PDE3A: variants seen among roughly 807,000 people sequenced by gnomAD.
PDE3A encodes the protein phosphodiesterase 3A.
In PDE3A, 43 loss-of-function variants were observed where a neutral mutation model predicts 98.3. That is an observed-to-expected ratio of 0.44 (90% CI 0.34 to 0.56). PDE3A has a LOEUF of 0.56. PDE3A is among the 20% of genes least tolerant of loss of function. The pLI, the probability that PDE3A is intolerant of heterozygous loss-of-function variation, is 0.01. For missense variants in PDE3A, 1,427 were observed against 1,440.7 expected (o/e 0.99, Z 0.15); for synonymous variants, 663 against 567.9 (o/e 1.17, Z -2.38).
At chr12:20,572,564 T>A (rs952718829) in intron 2 of PDE3A, among the ~76,000 whole-genome samples, 1 of 152,134 alleles carries the variant, frequency 6.6e-6, no homozygotes, top group Non-Finnish European at 1.5e-5. Context: ...TATCTAAAGA[T>A]TGACAATGTC....
At chr12:20,610,425 G>A (rs1943820930) in intron 2 of PDE3A, among the ~76,000 whole-genome samples, 1 of 151,822 alleles carries the variant, frequency 6.6e-6, no homozygotes, top group African/African-American at 2.4e-5. Context: ...TAGAGAAAAG[G>A]GAACCCTAGA....
rs138187101 is a variant in PDE3A, at chr12:20,369,180, A to ACCGT, written c.-105_-104insCCGT. 3 of 626,860 alleles carry ACCGT rather than the reference A, an allele frequency of 4.8e-6. No homozygotes were observed. The highest frequency in any genetic ancestry group is 7.7e-6 in the Non-Finnish European group (3 of 388,728). 38.8% of individuals were successfully genotyped at this position (626,860 alleles called of 1,614,324 possible). A position where few individuals can be genotyped will look rare whatever the true frequency, so the allele number is the denominator to read the frequency against. ...GGATTCCGAGGGTGGAATTGGGAAG[A>ACCGT]GCGTGCGTGCGTGTGTGTGTGTGTG... On this transcript the variant is annotated 5_prime_UTR_variant, in exon 1 of 16. Transcript: ENST00000359062.
chr12:20,582,771 T>G (rs1485321393), intron 2 of PDE3A, among the ~76,000 whole-genome samples: 1 of 152,198 alleles, frequency 6.6e-6, no homozygotes, highest in Non-Finnish European at 1.5e-5. Flanking sequence ...ATGTGATTCT[T>G]GATTGCACTC....
intron 1 of PDE3A, among the ~76,000 whole-genome samples, chr12:20,422,176 C>G (rs138116853): frequency 0.063 from 9,505 of 152,078 alleles, 314 homozygotes; most frequent in African/African-American, 0.068. Flanking sequence ...GAAACTCCAT[C>G]TCTACTAAAA....
intron 2 of PDE3A, among the ~76,000 whole-genome samples, chr12:20,586,558 A>C (rs1480569415): frequency 2.0e-5 from 3 of 152,236 alleles, no homozygotes; most frequent in Non-Finnish European, 4.4e-5. Context: ...TTTTCACAAA[A>C]AACTTAGATT....
Position 20,409,840 on chromosome 12 carries a change from G to A in PDE3A, c.960+39596G>A, listed in dbSNP as rs533318701. 9.2e-5 allele frequency among the ~76,000 whole-genome samples: 14 copies of A among 152,248 alleles called. 1 individual carries two copies. The highest frequency in any genetic ancestry group is 2.6e-4 in the African/African-American group (11 of 41,546). On this transcript the variant is annotated intron_variant, in intron 1 of 15. Transcript: ENST00000359062. ...TTACAGATTAACTATTTGTTATTGC[G>A]CATTCAGCAAATTCCTTAGCTTTTG...
intron 1 of PDE3A, among the ~76,000 whole-genome samples, chr12:20,373,863 T>A (rs980359928): frequency 1.3e-5 from 2 of 152,120 alleles, no homozygotes; most frequent in African/African-American, 4.8e-5. Context: ...GAAATGGGTA[T>A]GGTGTTTGAT....
chr12:20,552,457 G>A lies in PDE3A; in HGVS notation c.961-4203G>A. ...GGGGCTGACCATGCAGTATCCAGAA[G>A]GCTACCTGGAAGCCCTGGCCAACCG... is the stretch of plus-strand genomic sequence containing the variant. On this transcript the variant is annotated intron_variant, in intron 1 of 15. Transcript: ENST00000359062. This position sits in a 1 kb window ranked among gnomAD's most constrained non-coding sequence, Gnocchi z 5.1. The A allele has an allele frequency of 2.5e-6, 4 of 1,612,848 alleles. No homozygotes were observed. Among genetic ancestry groups the A allele is most frequent in the Non-Finnish European group, 3.4e-6 (4 of 1,179,758 alleles).
Position 20,493,929 on chromosome 12 carries a change from C to T in PDE3A, c.961-62731C>T, listed in dbSNP as rs978501580. 2.6e-5 allele frequency among the ~76,000 whole-genome samples: 4 copies of T among 152,224 alleles called. No individual in the cohort carries two copies. The South Asian group carries it at 6.2e-4, about 24-fold the overall frequency. The stretch of plus-strand genomic sequence containing the variant: ...ACAGGCGTGAGCCAGCACGCCTGGC[C>T]GCAAACTACTTTTCAATGGCTTCAG... On this transcript the variant is annotated intron_variant, in intron 1 of 15. Coordinates refer to ENST00000359062, the MANE Select transcript of PDE3A (RefSeq NM_000921.5).
At chr12:20,617,317 T>A (rs989827166) in intron 4 of PDE3A, among the ~76,000 whole-genome samples, 1 of 152,234 alleles carries the variant, frequency 6.6e-6, no homozygotes, top group Admixed American at 6.5e-5. Context: ...TGATTAAAAA[T>A]TTTTAATTGG....
chr12:20,452,951 T>A (rs544174616), intron 1 of PDE3A, among the ~76,000 whole-genome samples: 29 of 152,332 alleles, frequency 1.9e-4, no homozygotes, highest in African/African-American at 7.0e-4. Context: ...TAATTCTTCT[T>A]GCAGTACTTC....
intron 1 of PDE3A, among the ~76,000 whole-genome samples, chr12:20,467,523 T>A (rs1565558530): frequency 6.6e-6 from 1 of 152,142 alleles, no homozygotes; most frequent in Non-Finnish European, 1.5e-5. Context: ...TTGTATGTGA[T>A]ACACTATTAA....
At chr12:20,665,456 A>T (rs1284908340) in intron 15 of PDE3A, among the ~76,000 whole-genome samples, 2 of 152,210 alleles carry the variant, frequency 1.3e-5, no homozygotes, top group Admixed American at 1.3e-4. Flanking sequence ...GGTCAAAGAA[A>T]ATGTAATGTA....
At chr12:20,446,574 T>C (rs1195170426) in intron 1 of PDE3A, among the ~76,000 whole-genome samples, 1 of 152,174 alleles carries the variant, frequency 6.6e-6, no homozygotes, top group Non-Finnish European at 1.5e-5. Context: ...CATCATCTTA[T>C]TCTCTTCTTG....
At chr12:20,500,768 C>CTTT (rs61218707) in intron 1 of PDE3A, among the ~76,000 whole-genome samples, 7 of 133,362 alleles carry the variant, frequency 5.2e-5, no homozygotes, top group African/African-American at 1.9e-4. Context: ...TTCTTTCTTT[C>CTTT]TTTTTTTTTT....
chr12:20,503,827 A>G (rs1946066506), intron 1 of PDE3A, among the ~76,000 whole-genome samples: 1 of 152,224 alleles, frequency 6.6e-6, no homozygotes, highest in South Asian at 2.1e-4. Flanking sequence ...TTAATGTGTC[A>G]TCATTAAATT....
rs3058564 is a variant in PDE3A, at chr12:20,384,184, ATTT to A, written c.960+13954_960+13956del. Reference sequence around the variant, plus strand: ...TTTAAAAATATCTGATTGGGTTGACATTTTTTTTTTTTTTTTCTCTAATTTTAT... The same window carrying A: ...TTTAAAAATATCTGATTGGGTTGACATTTTTTTTTTTTTCTCTAATTTTAT... On this transcript the variant is annotated intron_variant, in intron 1 of 15. Coordinates refer to ENST00000359062, the MANE Select transcript of PDE3A (RefSeq NM_000921.5). Among the ~76,000 whole-genome samples the A allele has an allele frequency of 6.5e-3, 900 of 137,894 alleles. 8 individuals carry two copies. The highest frequency in any genetic ancestry group is 0.022 in the African/African-American group (844 of 37,778). The allele number at this position is 137,894 out of a possible 152,430, so 90.5% of individuals were successfully genotyped here.
chr12:20,559,363 A>G (rs923952781), intron 2 of PDE3A, among the ~76,000 whole-genome samples: 4 of 151,996 alleles, frequency 2.6e-5, no homozygotes, highest in African/African-American at 9.7e-5. Context: ...AGTGACATAT[A>G]TACAAAGTGT....
chr12:20,499,842 G>A (rs181309597), intron 1 of PDE3A, among the ~76,000 whole-genome samples: 113 of 152,292 alleles, frequency 7.4e-4, no homozygotes, highest in African/African-American at 2.6e-3. Flanking sequence ...ATTCTGAGTG[G>A]TAACGAAGGT....
Sources: allele counts gnomAD v4.1 joint callset (sites outside exome capture counted in the v4.1 genomes callset), GRCh38; gene constraint gnomAD v4.1.1; non-coding constraint Gnocchi (gnomAD v3.1); transcripts MANE v1.5; gene names NCBI Gene and HGNC (gene_info 2026-07-23, HGNC 2026-07-21).